Variants in CYP2A13 observed in about 807,000 individuals in gnomAD.
CYP2A13 encodes cytochrome P450 2A13.
CYP2A13 carries 30 observed loss-of-function variants against 39.4 expected under a neutral mutation model. The observed-to-expected ratio is 0.76, with a 90% CI of 0.57 to 1.03. CYP2A13 has a LOEUF of 1.03. Ranked by LOEUF, CYP2A13 falls within the 50% of genes least tolerant of loss-of-function variation. The pLI is 0.00. For synonymous variants in CYP2A13, 269 were observed against 254.7 expected (o/e 1.06, Z -0.54); for missense variants, 731 against 648.4 (o/e 1.13, Z -1.38).
rs1568366701 is a variant in CYP2A13, at chr19:41,089,848, CT to C, written c.344-198del. 2.4e-4 allele frequency among the ~76,000 whole-genome samples: 30 copies of C among 124,764 alleles called. 1 individual carries two copies. The highest frequency in any genetic ancestry group is 8.1e-4 in the African/African-American group (28 of 34,386). The allele number at this position is 124,764 out of a possible 152,430, so 81.9% of individuals were successfully genotyped here. On this transcript the variant is annotated intron_variant, in intron 2 of 8. Transcript: ENST00000330436. ...TCTCTCTCTCTCTCTCTCTCTCTCTCTCTCTCTCTCTCTCTCTCTCTCTCGT... is the reference window on the plus strand; with the variant it reads ...TCTCTCTCTCTCTCTCTCTCTCTCTCCTCTCTCTCTCTCTCTCTCTCTCGT...
At chr19:41,089,399 C>A (rs1389936274) in intron 2 of CYP2A13, among the ~76,000 whole-genome samples, 1 of 152,052 alleles carries the variant, frequency 6.6e-6, no homozygotes, top group African/African-American at 2.4e-5. Flanking sequence ...CCCTGGTCCT[C>A]TGTCTTCATT....
At chr19:41,092,188 C>G (rs891534536) in intron 5 of CYP2A13, among the ~76,000 whole-genome samples, 1 of 151,666 alleles carries the variant, frequency 6.6e-6, no homozygotes, top group African/African-American at 2.4e-5. Context: ...TGGTGGCATG[C>G]GCCTGTAATC....
chr19:41,090,066 G>C lies in CYP2A13; in HGVS notation c.363G>C (p.Gly121=), dbSNP rs749130656. The C allele has an allele frequency of 7.4e-6, 12 of 1,612,872 alleles. No homozygotes were observed. Among genetic ancestry groups the C allele is most frequent in the Non-Finnish European group, 1.0e-5 (12 of 1,179,676 alleles). ...CCCCAGGCGTGGCGTTCAGCAACGG[G>C]GAGCGCGCCAAGCAGCTCCGGCGCT... is the stretch of plus-strand genomic sequence containing the variant. ...FKGYGVAFSN[G]ERAKQLRRFS... The change falls in exon 3 of 9, where the codon GGG becomes GGC. Residue 121 remains glycine (G), a synonymous_variant. Coordinates refer to ENST00000330436, the MANE Select transcript of CYP2A13 (RefSeq NM_000766.5).
chr19:41,091,153 C>G (rs1424215881), intron 4 of CYP2A13, among the ~76,000 whole-genome samples: 1 of 152,122 alleles, frequency 6.6e-6, no homozygotes, highest in Non-Finnish European at 1.5e-5. Context: ...TAAGTGTTCC[C>G]CAACCCTTTC....
At chr19:41,090,000 T>A (rs113406157) in intron 2 of CYP2A13, 47 bp from the exon 3 acceptor site, 2 of 1,161,378 alleles carry the variant, frequency 1.7e-6, no homozygotes, top group East Asian at 5.0e-5. Context: ...CCGCTCCTGC[T>A]CCCGCCGCCC....
At chr19:41,094,121 G>A in intron 6 of CYP2A13, 124 bp from the exon 7 acceptor site, 2 of 1,440,818 alleles carry the variant, frequency 1.4e-6, no homozygotes, top group Non-Finnish European at 1.9e-6. Context: ...TGTCTGTTCT[G>A]TTATGAATGG....
In CYP2A13 at chr19:41,094,264, T is replaced by A; in HGVS notation, c.993T>A (p.Ile331=). ...CCCCAGCCAAGGTCCATGAGGAGAT[T>A]GACAGAGTGATCGGCAAGAACCGGC... ...PEVEAKVHEE[I]DRVIGKNRQP... The change falls in exon 7 of 9, where the codon ATT becomes ATA. Residue 331 remains isoleucine (I), a synonymous_variant. Transcript: ENST00000330436. The A allele has an allele frequency of 6.2e-7, 1 of 1,614,068 alleles. No individual in the cohort carries two copies.
chr19:41,090,168 C>T lies in CYP2A13; in HGVS notation c.465C>T (p.Phe155=). The change falls in exon 3 of 9, where the codon TTC becomes TTT. Residue 155 remains phenylalanine (F), a synonymous_variant. Transcript: ENST00000330436. ...AACGCATCCAGGAGGAGGCGGGCTT[C>T]CTCATCGACGCCCTCCGGGGCACGC... is the stretch of plus-strand genomic sequence containing the variant. ...IEERIQEEAG[F]LIDALRGTHG... is the part of the protein sequence containing the mutation. 6.3e-7 allele frequency: 1 copy of T among 1,588,894 alleles called. No individual in the cohort carries two copies. The highest frequency in any genetic ancestry group is 8.6e-7 in the Non-Finnish European group (1 of 1,166,774).
At position 41,090,581 on chromosome 19, in the gene CYP2A13, C is replaced by T. The variant is rs2031168553; in HGVS notation, c.654+17C>T. On this transcript the variant is annotated intron_variant, in intron 4 of 8. Coordinates refer to ENST00000330436, the MANE Select transcript of CYP2A13 (RefSeq NM_000766.5). Reference sequence around the variant, plus strand: ...ACGGGGCAGGTAACTGGCTGCAGCCCGCCAGTGACGCCCCTACCACAACCT... The same window carrying T: ...ACGGGGCAGGTAACTGGCTGCAGCCTGCCAGTGACGCCCCTACCACAACCT... The T allele has an allele frequency of 6.2e-7, 1 of 1,613,918 alleles. No homozygotes were observed.
At chr19:41,095,322 T>C (rs2031281162) in intron 8 of CYP2A13, among the ~76,000 whole-genome samples, 2 of 152,150 alleles carry the variant, frequency 1.3e-5, no homozygotes, top group Admixed American at 6.5e-5. Context: ...TAGATTTATT[T>C]GTCTAGGGTC....
intron 4 of CYP2A13, 32 bp downstream of exon 4, chr19:41,090,596 T>G: frequency 6.2e-7 from 1 of 1,613,644 alleles, no homozygotes; most frequent in Non-Finnish European, 8.5e-7. Context: ...GTGACGCCCC[T>G]ACCACAACCT....
In CYP2A13 at chr19:41,095,233, G is replaced by A. The variant is rs932848250; in HGVS notation, c.1303+133G>A. On this transcript the variant is annotated intron_variant, in intron 8 of 8. Coordinates refer to ENST00000330436, the MANE Select transcript of CYP2A13 (RefSeq NM_000766.5). ...TCCTGTTAGAATCTACCATTGAGCC[G>A]CCACCAGCTGATACTCCCTTAACTG... 1.2e-5 allele frequency: 18 copies of A among 1,546,602 alleles called. No individual in the cohort carries two copies. The Admixed American group carries it at 2.0e-4, about 17-fold the overall frequency.
At chr19:41,090,318 C>A (rs2031159528) in intron 3 of CYP2A13, 86 bp from the exon 4 acceptor site, 1 of 1,595,690 alleles carries the variant, frequency 6.3e-7, no homozygotes, top group Admixed American at 1.7e-5. Flanking sequence ...TTCGGCTCAA[C>A]AGGGCCCTGC....
Position 41,090,390 on chromosome 19 carries a change from C to T in CYP2A13, c.494-14C>T, listed in dbSNP as rs371158573. The T allele has an allele frequency of 1.6e-4, 256 of 1,613,972 alleles. 4 individuals carry two copies. The South Asian group carries it at 2.6e-3, about 16-fold the overall frequency. On this transcript the variant is annotated splice_polypyrimidine_tract_variant and intron_variant, in intron 3 of 8. Coordinates refer to ENST00000330436, the MANE Select transcript of CYP2A13 (RefSeq NM_000766.5). ...GACTCTCTCCCCAACCCCCTTCTCCCGCCACACCTGCAGGCGCCAATATCG... is the reference window on the plus strand; with the variant it reads ...GACTCTCTCCCCAACCCCCTTCTCCTGCCACACCTGCAGGCGCCAATATCG...
chr19:41,090,621 T>C, intron 4 of CYP2A13, 57 bp downstream of exon 4: 2 of 1,611,232 alleles, frequency 1.2e-6, no homozygotes, highest in Admixed American at 1.7e-5. Flanking sequence ...ACTGCTCCCC[T>C]ACCTGGAGAC....
At position 41,091,839 on chromosome 19, in the gene CYP2A13, C is replaced by T. The variant is rs745476785; in HGVS notation, c.762C>T (p.His254=). ...ACTTCATCGCCAAGAAGGTGGAGCA[C>T]AACCAGCGCACGCTGGATCCCAATT... ...LEDFIAKKVE[H]NQRTLDPNSP... Residue 254 remains histidine (H), a synonymous_variant, in exon 5 of 9, where the codon CAC becomes CAT. Transcript: ENST00000330436. The T allele has an allele frequency of 3.3e-5, 53 of 1,614,094 alleles. No individual in the cohort carries two copies. Among genetic ancestry groups the T allele is most frequent in the African/African-American group, 2.0e-4 (15 of 74,922 alleles).
chr19:41,094,549 T>C, intron 7 of CYP2A13, 117 bp downstream of exon 7: 1 of 1,233,834 alleles, frequency 8.1e-7, no homozygotes, highest in Non-Finnish European at 1.2e-6. Flanking sequence ...CCTCAATCAG[T>C]CAAAAAAGAC....
chr19:41,094,574 C>T, intron 7 of CYP2A13, 142 bp downstream of exon 7: 1 of 953,090 alleles, frequency 1.0e-6, no homozygotes, highest in East Asian at 2.6e-5. Context: ...CCAACCACCA[C>T]ATCTGTTCCA....
rs763332469 is a variant in CYP2A13, at chr19:41,091,803, A to G, written c.726A>G (p.Gln242=). 1.2e-6 allele frequency: 2 copies of G among 1,614,150 alleles called. No homozygotes were observed. The highest frequency in any genetic ancestry group is 1.7e-6 in the Non-Finnish European group (2 of 1,180,016). Reference sequence around the variant, plus strand: ...AGCAACAGGCCTTTAAGGAGCTGCAAGGGCTGGAGGACTTCATCGCCAAGA... The same window carrying G: ...AGCAACAGGCCTTTAAGGAGCTGCAGGGGCTGGAGGACTTCATCGCCAAGA... ...GPQQQAFKEL[Q]GLEDFIAKKV... is the part of the protein sequence containing the mutation. Residue 242 remains glutamine (Q), a synonymous_variant, in exon 5 of 9, where the codon CAA becomes CAG. Transcript: ENST00000330436.
Sources: gnomAD v4.1 joint callset for allele counts (sites outside exome capture counted in the v4.1 genomes callset) on GRCh38, gnomAD v4.1.1 for gene constraint, MANE v1.5 for transcripts, NCBI Gene and HGNC (gene_info 2026-07-23, HGNC 2026-07-21) for gene names.